CACNA1A: variants seen among roughly 807,000 people sequenced by gnomAD.
CACNA1A encodes calcium voltage-gated channel subunit alpha1 A, also known as voltage-dependent P/Q-type calcium channel subunit alpha-1A.
A neutral mutation model predicts 262.4 loss-of-function variants in CACNA1A; 57 were observed. The ratio of observed to expected loss-of-function variants is 0.22; its 90% confidence interval spans 0.18 to 0.27. The LOEUF (loss-of-function observed/expected upper bound fraction) is 0.27, where lower values mean the gene tolerates loss of function less well. Ranked by LOEUF, CACNA1A falls within the 10% of genes least tolerant of loss-of-function variation. CACNA1A has a pLI of 1.00. For missense variants in CACNA1A, 2,526 were observed against 3,562.8 expected, an observed-to-expected ratio of 0.71 and a Z score of 7.41; for synonymous variants, 1,431 against 1,419.3, an observed-to-expected ratio of 1.01 and a Z score of -0.18.
intron 5 of CACNA1A, chr19:13,363,838 C>T (rs2144514587): frequency 6.6e-6 from 1 of 152,434 alleles, no homozygotes; most frequent in South Asian, 2.1e-4. Flanking sequence ...GCTATTCAGT[C>T]TGTCTGCACC....
At chr19:13,388,053 T>A (rs1296596729) in intron 3 of CACNA1A, among the ~76,000 whole-genome samples, 1 of 151,790 alleles carries the variant, frequency 6.6e-6, no homozygotes, top group Non-Finnish European at 1.5e-5. Context: ...CCCCCTAACC[T>A]CAGGTTAGAT....
intron 21 of CACNA1A, chr19:13,283,699 A>T (rs970458243): frequency 1.5e-4 from 37 of 247,844 alleles, no homozygotes; most frequent in Middle Eastern, 1.3e-3. Flanking sequence ...TACGGTCCTT[A>T]ATTCTGTAGG....
In CACNA1A at chr19:13,285,035, GC is replaced by G. The variant is rs751969812; in HGVS notation, c.3692+32del. ...TCCGCCACCCTGGTGGGAGCCCCAG[GC>G]CCCCCCTGCCCTTGCTGGGGGCCAT... On this transcript the variant is annotated intron_variant, in intron 21 of 46. Coordinates refer to ENST00000360228, the MANE Select transcript of CACNA1A (RefSeq NM_001127222.2). 4.2e-5 allele frequency: 68 copies of G among 1,611,614 alleles called. No individual in the cohort carries two copies. The Middle Eastern group carries it at 1.3e-3, about 31-fold the overall frequency.
intron 17 of CACNA1A, among the ~76,000 whole-genome samples, chr19:13,302,095 C>T (rs758006868): frequency 6.6e-6 from 1 of 152,200 alleles, no homozygotes; most frequent in Non-Finnish European, 1.5e-5. Context: ...GTTAAGAGCA[C>T]AAGCTGCAGA....
intron 30 of CACNA1A, 169 bp from the exon 31 acceptor site, chr19:13,245,434 A>C: frequency 1.6e-6 from 1 of 620,834 alleles, no homozygotes; most frequent in Admixed American, 2.4e-5. Context: ...ATCTGTGCTG[A>C]GTCTCCCTCC....
intron 1 of CACNA1A, among the ~76,000 whole-genome samples, chr19:13,503,912 T>G (rs538901302): frequency 4.0e-5 from 6 of 151,708 alleles, no homozygotes; most frequent in Non-Finnish European, 8.8e-5. Context: ...CTCCCACGAT[T>G]CCCCCTTCCG....
intron 6 of CACNA1A, among the ~76,000 whole-genome samples, chr19:13,346,337 G>A (rs1287109003): frequency 2.0e-5 from 3 of 151,954 alleles, no homozygotes; most frequent in African/African-American, 7.3e-5. Context: ...TGCACTGGCT[G>A]TTCCATCTAC....
chr19:13,476,810 C>T (rs1599340677), intron 1 of CACNA1A, among the ~76,000 whole-genome samples: 2 of 152,104 alleles, frequency 1.3e-5, no homozygotes, highest in African/African-American at 4.8e-5. Flanking sequence ...CTGGTTCCAC[C>T]CCCACTATTA....
intron 5 of CACNA1A, among the ~76,000 whole-genome samples, chr19:13,361,070 G>A (rs1040037673): frequency 3.3e-5 from 5 of 152,078 alleles, no homozygotes; most frequent in Admixed American, 6.6e-5. Context: ...TTTGTCAAGC[G>A]CATTGTGTTA....
chr19:13,303,013 G>C (rs2057819577), intron 17 of CACNA1A, among the ~76,000 whole-genome samples: 1 of 152,148 alleles, frequency 6.6e-6, no homozygotes, highest in African/African-American at 2.4e-5. Flanking sequence ...GCTGGACGGA[G>C]GCTAGCTCTT....
At chr19:13,247,932 A>AAATACTC (rs2144704181) in intron 30 of CACNA1A, among the ~76,000 whole-genome samples, 1 of 152,234 alleles carries the variant, frequency 6.6e-6, no homozygotes, top group South Asian at 2.1e-4. Flanking sequence ...ACTGGAGGAT[A>AAATACTC]AATACTCCAA....
In CACNA1A at chr19:13,267,360, A is replaced by G. The variant is rs538017821; in HGVS notation, c.3990-4527T>C. ...GGCGCTGGCCGATGTCCATCCTTCCATCTGGAAGCCGCCCCCACCTCCATT... is the reference window on the plus strand; with the variant it reads ...GGCGCTGGCCGATGTCCATCCTTCCGTCTGGAAGCCGCCCCCACCTCCATT... On this transcript the variant is annotated intron_variant, in intron 24 of 46. Coordinates refer to ENST00000360228, the MANE Select transcript of CACNA1A (RefSeq NM_001127222.2). 2.0e-4 allele frequency among the ~76,000 whole-genome samples: 31 copies of G among 152,124 alleles called. No homozygotes were observed. In the South Asian group the frequency reaches 6.4e-3, roughly 32 times the overall value.
In CACNA1A at chr19:13,278,484, G is replaced by T. The variant is rs554931910; in HGVS notation, c.3823-1356C>A. On this transcript the variant is annotated intron_variant, in intron 22 of 46. Coordinates refer to ENST00000360228, the MANE Select transcript of CACNA1A (RefSeq NM_001127222.2). Reference sequence around the variant, plus strand: ...ACACTTTCCCAGTGAGGACTCCCCTGACCGGCTGTTTAAATTCCATCTCCT... The same window carrying T: ...ACACTTTCCCAGTGAGGACTCCCCTTACCGGCTGTTTAAATTCCATCTCCT... 2.6e-5 allele frequency among the ~76,000 whole-genome samples: 4 copies of T among 152,114 alleles called. No homozygotes were observed. The East Asian group carries it at 7.7e-4, about 29-fold the overall frequency.
chr19:13,261,245 A>T, intron 26 of CACNA1A: 1 of 526,852 alleles, frequency 1.9e-6, no homozygotes, highest in East Asian at 2.9e-5. Context: ...CAATTTGCTT[A>T]TGACTCATTC....
chr19:13,207,858 CCTGCTGCTGCTGCTG>C lies in CACNA1A; in HGVS notation c.6961_6975del (p.Gln2321_Gln2325del), dbSNP rs16054. 4.7e-3 allele frequency: 6,703 copies of C among 1,431,450 alleles called. 25 individuals carry two copies. Among genetic ancestry groups the C allele is most frequent in the Non-Finnish European group, 4.8e-3 (5,259 of 1,094,008 alleles). The allele number at this position is 1,431,450 out of a possible 1,614,324, so 88.7% of individuals were successfully genotyped here. A position where few individuals can be genotyped will look rare whatever the true frequency, so the allele number is the denominator to read the frequency against. On this transcript the variant is annotated inframe_deletion, in exon 47 of 47. Transcript: ENST00000360228. This position sits in a 1 kb window ranked among gnomAD's most constrained non-coding sequence, Gnocchi z 5.7. ...GCCGCCCGGCCCGGCCTGGCCACCG[CCTGCTGCTGCTGCTG>C]CTGCTGCTGCTGCTGCTGCTGCTGC...
chr19:13,482,208 G>C (rs1382722269), intron 1 of CACNA1A, among the ~76,000 whole-genome samples: 1 of 152,132 alleles, frequency 6.6e-6, no homozygotes, highest in Non-Finnish European at 1.5e-5. Flanking sequence ...TAAGGAGGCC[G>C]GGTGCGGTGG....
In CACNA1A at chr19:13,255,993, C is replaced by CT. The variant is rs542786434; in HGVS notation, c.4591-735dup. Among the ~76,000 whole-genome samples, 198 of 115,360 alleles carry CT rather than the reference C, an allele frequency of 1.7e-3. 2 individuals are homozygous for CT. Among genetic ancestry groups the CT allele is most frequent in the Middle Eastern group, 5.3e-3 (1 of 190 alleles). 75.7% of individuals were successfully genotyped at this position (115,360 alleles called of 152,430 possible). On this transcript the variant is annotated intron_variant, in intron 28 of 46. Transcript: ENST00000360228. ...CCTTCCCTCCCTCCCTCCCTCCTTC[C>CT]TTTTTTTTTTTTTTTCTTTGACACG...
chr19:13,369,835 A>G (rs2144549546), intron 4 of CACNA1A, among the ~76,000 whole-genome samples: 1 of 152,136 alleles, frequency 6.6e-6, no homozygotes, highest in Non-Finnish European at 1.5e-5. Context: ...ATGGCCCTTA[A>G]TTTAATATGA....
chr19:13,330,391 C>A, intron 9 of CACNA1A, 58 bp from the exon 10 acceptor site: 1 of 1,191,708 alleles, frequency 8.4e-7, no homozygotes. Flanking sequence ...CAACACAGAC[C>A]ATATGGACAC....
Sources: gnomAD v4.1 joint callset for allele counts (sites outside exome capture counted in the v4.1 genomes callset) on GRCh38, gnomAD v4.1.1 for gene constraint, Gnocchi (gnomAD v3.1) non-coding constraint, MANE v1.5 for transcripts, NCBI Gene and HGNC (gene_info 2026-07-23, HGNC 2026-07-21) for gene names.